The following DDX10 variants were observed in gnomAD, a reference collection of about 807,000 sequenced individuals.
DDX10 encodes the protein probable ATP-dependent RNA helicase DDX10.
A neutral mutation model predicts 104.3 loss-of-function variants in DDX10; 74 were observed. The ratio of observed to expected loss-of-function variants is 0.71; its 90% CI spans 0.59 to 0.86. DDX10 has a LOEUF of 0.86. Among genes scored for constraint, DDX10 ranks in the 40% least tolerant of loss-of-function variants. DDX10 has a pLI of 0.00. For synonymous variants in DDX10, 351 were observed against 353.4 expected, an observed-to-expected ratio of 0.99 and a Z score of 0.08; for missense variants, 952 against 1,040.0, an observed-to-expected ratio of 0.92 and a Z score of 1.16.
At chr11:108,693,653 A>T in intron 9 of DDX10, 53 bp downstream of exon 9, 1 of 1,374,128 alleles carries the variant, frequency 7.3e-7, no homozygotes, top group East Asian at 2.3e-5. Flanking sequence ...ATAACAAAGC[A>T]TGCTTTTCCA....
At chr11:108,809,143 A>G (rs535258091) in intron 13 of DDX10, among the ~76,000 whole-genome samples, 1 of 152,304 alleles carries the variant, frequency 6.6e-6, no homozygotes, top group South Asian at 2.1e-4. Flanking sequence ...CTCTTATATA[A>G]CCATTAACAC....
intron 13 of DDX10, among the ~76,000 whole-genome samples, chr11:108,735,593 AG>A (rs2094317395): frequency 6.6e-6 from 1 of 152,120 alleles, no homozygotes; most frequent in South Asian, 2.1e-4. Flanking sequence ...CCTCCCCCAT[AG>A]GTAATTTGAA....
intron 13 of DDX10, among the ~76,000 whole-genome samples, chr11:108,770,215 C>T (rs1319494130): frequency 1.3e-5 from 2 of 152,130 alleles, no homozygotes; most frequent in Non-Finnish European, 2.9e-5. Flanking sequence ...TTGATACAGG[C>T]ATGTAATGTG....
intron 16 of DDX10, among the ~76,000 whole-genome samples, chr11:108,882,816 G>A (rs1003684733): frequency 2.6e-5 from 4 of 152,138 alleles, no homozygotes; most frequent in Admixed American, 6.5e-5. Context: ...AACTATACAC[G>A]ATACTATGCT....
intron 13 of DDX10, among the ~76,000 whole-genome samples, chr11:108,798,666 G>C (rs1861978704): frequency 6.6e-6 from 1 of 152,058 alleles, no homozygotes; most frequent in South Asian, 2.1e-4. Context: ...GAGCGGTTTT[G>C]TTTGTTTTTA....
At chr11:108,897,178 C>G (rs1863453087) in intron 16 of DDX10, among the ~76,000 whole-genome samples, 1 of 152,122 alleles carries the variant, frequency 6.6e-6, no homozygotes. Flanking sequence ...GAAAGCAGGC[C>G]TTACAAGATC....
At chr11:108,736,244 G>T in intron 13 of DDX10, among the ~76,000 whole-genome samples, 1 of 142,732 alleles carries the variant, frequency 7.0e-6, no homozygotes, top group South Asian at 2.2e-4. Context: ...ACCTCATTCT[G>T]TATTCTTCTG....
intron 17 of DDX10, 133 bp downstream of exon 17, chr11:108,918,151 T>C: frequency 1.2e-6 from 1 of 860,366 alleles, no homozygotes; most frequent in Non-Finnish European, 1.8e-6. Context: ...TTTACTTAGA[T>C]TCCTGGAAAT....
At chr11:108,777,393 C>T (rs1416107664) in intron 13 of DDX10, among the ~76,000 whole-genome samples, 1 of 151,810 alleles carries the variant, frequency 6.6e-6, no homozygotes, top group East Asian at 1.9e-4. Flanking sequence ...GCAGTGGCAC[C>T]ATCTCAGCTC....
At position 108,770,507 on chromosome 11, in the gene DDX10, C is replaced by T. The variant is rs538571962; in HGVS notation, c.1965+47045C>T. Among the ~76,000 whole-genome samples the T allele has an allele frequency of 6.9e-5, 9 of 130,854 alleles. No homozygotes were observed. In the East Asian group the frequency reaches 2.2e-3, roughly 32 times the overall value. 85.8% of individuals were successfully genotyped at this position (130,854 alleles called of 152,430 possible). On this transcript the variant is annotated intron_variant, in intron 13 of 17. Coordinates refer to ENST00000322536, the MANE Select transcript of DDX10 (RefSeq NM_004398.4). ...TCCCCCCTCCCCCCTCCCCCCTGCA[C>T]CAACCCCCACTACCCTTCCCAACCT...
rs143897647 is a variant in DDX10, at chr11:108,835,762, C to T, written c.1966-2684C>T. Among the ~76,000 whole-genome samples the T allele has an allele frequency of 2.8e-4, 42 of 151,936 alleles. 1 individual carries two copies. The highest frequency in any genetic ancestry group is 9.4e-4 in the African/African-American group (39 of 41,448). On this transcript the variant is annotated intron_variant, in intron 13 of 17. Transcript: ENST00000322536. ...CTAATTAAAGGCTGAGGTGAATTGG[C>T]ACCCTGTGCAGATGAAGGGATAGTC...
intron 13 of DDX10, among the ~76,000 whole-genome samples, chr11:108,835,223 A>G (rs532751131): frequency 6.6e-6 from 1 of 152,272 alleles, no homozygotes; most frequent in South Asian, 2.1e-4. Context: ...TACTCTCTGA[A>G]GTGAGATAAG....
intron 13 of DDX10, among the ~76,000 whole-genome samples, chr11:108,787,149 T>A (rs1180580537): frequency 1.3e-5 from 2 of 152,210 alleles, no homozygotes; most frequent in Non-Finnish European, 2.9e-5. Context: ...TTATTTTCTT[T>A]AAGAATGCTG....
Position 108,867,441 on chromosome 11 carries a change from T to C in DDX10, c.2304+15232T>C, listed in dbSNP as rs375179885. Among the ~76,000 whole-genome samples the C allele has an allele frequency of 6.6e-5, 10 of 152,192 alleles. No individual in the cohort carries two copies. The East Asian group carries it at 1.2e-3, about 18-fold the overall frequency. On this transcript the variant is annotated intron_variant, in intron 16 of 17. Transcript: ENST00000322536. Reference sequence around the variant, plus strand: ...ATGTTGGTTGTTCAATTTAGGCCAATAATTTTTAAAATTGAGATCTAGTCT... The same window carrying C: ...ATGTTGGTTGTTCAATTTAGGCCAACAATTTTTAAAATTGAGATCTAGTCT...
At chr11:108,863,389 A>T (rs1355632136) in intron 16 of DDX10, among the ~76,000 whole-genome samples, 2 of 152,206 alleles carry the variant, frequency 1.3e-5, no homozygotes, top group Non-Finnish European at 2.9e-5. Context: ...GGATTATGAG[A>T]TGATTACTGT....
At position 108,940,403 on chromosome 11, in the gene DDX10, C is replaced by A. The variant is rs1483143204; in HGVS notation, c.2608C>A (p.Leu870Met). The A allele has an allele frequency of 1.2e-6, 2 of 1,613,630 alleles. No homozygotes were observed. Among genetic ancestry groups the A allele is most frequent in the African/African-American group, 2.7e-5 (2 of 74,870 alleles). ...AGAGGATGAAGAGCTGGTGTTACATCTGCTAAGAAGTCAAAGCTAAATACT... is the reference window on the plus strand; with the variant it reads ...AGAGGATGAAGAGCTGGTGTTACATATGCTAAGAAGTCAAAGCTAAATACT... ...LAEDEELVLH[L>M]LRSQS Residue 870 changes from leucine (L) to methionine (M), a missense_variant, in exon 18 of 18, where the codon CTG becomes ATG. Transcript: ENST00000322536.
At chr11:108,678,470 A>G in intron 5 of DDX10, 35 bp downstream of exon 5, 2 of 1,554,432 alleles carry the variant, frequency 1.3e-6, no homozygotes, top group Non-Finnish European at 1.7e-6. Context: ...AAAAAAAAAA[A>G]AAGCTCAGAC....
rs2094300647 is a variant in DDX10, at chr11:108,723,124, G to T, written c.1627G>T (p.Asp543Tyr). The stretch of plus-strand genomic sequence containing the variant: ...GCCAAGGGCTCCCTCCCTCACCAAT[G>T]ACGAAGTGGAAGAATTTAGAGCCTA... ...IEPRAPSLTN[D>Y]EVEEFRAYFN... Residue 543 changes from aspartate (D) to tyrosine (Y), a missense_variant, in exon 13 of 18, where the codon GAC becomes TAC. Physicochemically the swap from Asp to Tyr is radical, Grantham distance 160. Around this residue, in one of 3 missense-constraint regions of DDX10, gnomAD observed 533 missense variants for 534.1 expected, o/e 1.00. Transcript: ENST00000322536. 1.2e-5 allele frequency: 20 copies of T among 1,613,868 alleles called. No homozygotes were observed. The highest frequency in any genetic ancestry group is 1.5e-5 in the Non-Finnish European group (18 of 1,179,894).
intron 2 of DDX10, among the ~76,000 whole-genome samples, chr11:108,673,769 TTAAAA>T (rs1449070627): frequency 6.6e-6 from 1 of 152,228 alleles, no homozygotes; most frequent in Non-Finnish European, 1.5e-5. Context: ...ATTTTGTTAG[TTAAAA>T]TAAGCAAGGG....
Sources: gnomAD v4.1 joint callset for allele counts (sites outside exome capture counted in the v4.1 genomes callset) on GRCh38, gnomAD v4.1.1 for gene constraint, gnomAD v4.1.1 regional missense constraint, MANE v1.5 for transcripts, NCBI Gene and HGNC (gene_info 2026-07-23, HGNC 2026-07-21) for gene names.